The following DPH3 variants were observed in gnomAD, a reference collection of about 807,000 sequenced individuals.
The protein encoded by DPH3 is diphthamide biosynthesis protein 3.
A neutral mutation model predicts 10.2 loss-of-function variants in DPH3; 8 were observed. The ratio of observed to expected loss-of-function variants is 0.79; its 90% CI spans 0.46 to 1.42. The LOEUF (loss-of-function observed/expected upper bound fraction) is 1.42, where lower values mean the gene tolerates loss of function less well. Ranked by LOEUF, DPH3 falls within the 40% of genes most tolerant of loss-of-function variation. The probability of loss-of-function intolerance (pLI) is 0.00; values close to 1 mark genes in which losing one functional copy is unlikely to be tolerated. For synonymous variants in DPH3, 35 were observed against 35.6 expected, an observed-to-expected ratio of 0.98 and a Z score of 0.06; for missense variants, 96 against 98.9, an observed-to-expected ratio of 0.97 and a Z score of 0.12.
rs2064265761 is a variant in DPH3, at chr3:16,258,111, T to C, written c.*2653A>G. 1.3e-5 allele frequency: 2 copies of C among 152,258 alleles called. No individual in the cohort carries two copies. The highest frequency in any genetic ancestry group is 2.4e-5 in the African/African-American group (1 of 41,460). The allele number at this position is 152,258 out of a possible 1,614,324, so 9.4% of individuals were successfully genotyped here. A position where few individuals can be genotyped will look rare whatever the true frequency, so the allele number is the denominator to read the frequency against. ...TTCTGAATGTGCACACTAGAATATA[T>C]GCAGAATCCTTTAAACAGTCGACTT... On this transcript the variant is annotated 3_prime_UTR_variant, in exon 3 of 3. Transcript: ENST00000488423.
intron 1 of DPH3, 33 bp from the exon 2 acceptor site, chr3:16,264,262 T>A (rs746033983): frequency 6.4e-7 from 1 of 1,555,000 alleles, no homozygotes; most frequent in Non-Finnish European, 8.8e-7. Flanking sequence ...GTGGTCAGGA[T>A]AGCTTCTCTT....
chr3:16,262,422 A>T lies in DPH3; in HGVS notation c.184-1593T>A, dbSNP rs575081118. Among the ~76,000 whole-genome samples, 1 of 151,520 alleles carries T rather than the reference A, an allele frequency of 6.6e-6. No homozygotes were observed. The highest frequency in any genetic ancestry group is 1.9e-4 in the East Asian group (1 of 5,160). On this transcript the variant is annotated intron_variant, in intron 2 of 2. Coordinates refer to ENST00000488423, the MANE Select transcript of DPH3 (RefSeq NM_206831.3). This position sits in a 1 kb window ranked among gnomAD's most constrained non-coding sequence, Gnocchi z 4.7. The stretch of plus-strand genomic sequence containing the variant: ...CGTGACAAGGATCACCACTTCCTCA[A>T]TCCTTTCTCATCTGGTTTCCAGGAT...
At chr3:16,264,702 T>G in intron 1 of DPH3, 67 bp downstream of exon 1, 1 of 1,484,074 alleles carries the variant, frequency 6.7e-7, no homozygotes, top group South Asian at 1.2e-5. Flanking sequence ...TACCCAATGA[T>G]GGAAGGAACG....
rs1238909527 is a variant in DPH3 at position 16,257,875 on chromosome 3, A to G, written c.*2889T>C. Reference sequence around the variant, plus strand: ...AACTACTGTCCATAACAAAAAGTCTATTAACAATACCCCAAAGCAGTTAAG... The same window carrying G: ...AACTACTGTCCATAACAAAAAGTCTGTTAACAATACCCCAAAGCAGTTAAG... On this transcript the variant is annotated 3_prime_UTR_variant, in exon 3 of 3. Coordinates refer to ENST00000488423, the MANE Select transcript of DPH3 (RefSeq NM_206831.3). 1.3e-5 allele frequency: 2 copies of G among 152,242 alleles called. No individual in the cohort carries two copies. Among genetic ancestry groups the G allele is most frequent in the East Asian group, 3.8e-4 (2 of 5,206 alleles). The allele number at this position is 152,242 out of a possible 1,614,324, so 9.4% of individuals were successfully genotyped here.
chr3:16,264,791 C>A lies in DPH3; in HGVS notation c.86G>T (p.Gly29Val). Residue 29 changes from glycine (G) to valine (V), a missense_variant, in exon 1 of 3, where the codon GGA (glycine) becomes GTA (valine). By Grantham distance (109) the Gly-to-Val change is moderately radical. Coordinates refer to ENST00000488423, the MANE Select transcript of DPH3 (RefSeq NM_206831.3). The part of the protein sequence containing the change: ...SETYFYPCPC[G>V]DNFSITKEDL... The stretch of plus-strand genomic sequence containing the variant: ...TACCTTGGTGATGGAGAAGTTATCT[C>A]CACATGGGCAGGGATAGAAATACGT... 1 of 1,614,224 alleles carries A rather than the reference C, an allele frequency of 6.2e-7. No homozygotes were observed. Among genetic ancestry groups the A allele is most frequent in the Non-Finnish European group, 8.5e-7 (1 of 1,180,028 alleles).
Position 16,261,953 on chromosome 3 carries a change from T to C in DPH3, c.184-1124A>G, listed in dbSNP as rs1373721211. Among the ~76,000 whole-genome samples, 2 of 151,730 alleles carry C rather than the reference T, an allele frequency of 1.3e-5. No homozygotes were observed. The highest frequency in any genetic ancestry group is 4.9e-5 in the African/African-American group (2 of 41,182). ...CCAACCCCTCTGGACCTCCACCATA[T>C]TCATCCTACCACCCTTTCACTGCCC... On this transcript the variant is annotated intron_variant, in intron 2 of 2. Transcript: ENST00000488423. The surrounding 1 kb of genome is among the most constrained non-coding windows in gnomAD (Gnocchi z 7.1).
intron 2 of DPH3, 129 bp from the exon 3 acceptor site, chr3:16,260,958 A>G: frequency 3.9e-6 from 3 of 776,124 alleles, no homozygotes; most frequent in Non-Finnish European, 6.0e-6. Context: ...TTATCATTTC[A>G]TCCTTGTTCA....
Position 16,261,124 on chromosome 3 carries a change from T to G in DPH3, c.184-295A>C, listed in dbSNP as rs538394508. On this transcript the variant is annotated intron_variant, in intron 2 of 2. Coordinates refer to ENST00000488423, the MANE Select transcript of DPH3 (RefSeq NM_206831.3). The surrounding 1 kb of genome is among the most constrained non-coding windows in gnomAD (Gnocchi z 7.1). The stretch of plus-strand genomic sequence containing the variant: ...AAATCACATAAAGACATGCCACATA[T>G]TTTAAATTTCTGTATTAATTACTAC... Among the ~76,000 whole-genome samples, 6 of 152,340 alleles carry G rather than the reference T, an allele frequency of 3.9e-5. No homozygotes were observed. The highest frequency in any genetic ancestry group is 1.4e-4 in the African/African-American group (6 of 41,568).
chr3:16,260,078 A>G lies in DPH3; in HGVS notation c.*686T>C, dbSNP rs2064282922. ...CAAGGAATATGCAGAATATAAGAAA[A>G]GTCCTCATTCTTTCATCACTTCATT... On this transcript the variant is annotated 3_prime_UTR_variant, in exon 3 of 3. Transcript: ENST00000488423. 6.6e-6 allele frequency: 1 copy of G among 152,242 alleles called. No individual in the cohort carries two copies. The highest frequency in any genetic ancestry group is 1.5e-5 in the Non-Finnish European group (1 of 68,048). The allele number at this position is 152,242 out of a possible 1,614,324, so 9.4% of individuals were successfully genotyped here. A position where few individuals can be genotyped will look rare whatever the true frequency, so the allele number is the denominator to read the frequency against.
Position 16,257,334 on chromosome 3 carries a change from G to C in DPH3, c.*3430C>G, listed in dbSNP as rs961951192. On this transcript the variant is annotated 3_prime_UTR_variant, in exon 3 of 3. Transcript: ENST00000488423. Reference sequence around the variant, plus strand: ...CTCCCTTAAAAAGTCACCTGACCCAGTTACTCTCTCCCACATCACCTGGTT... The same window carrying C: ...CTCCCTTAAAAAGTCACCTGACCCACTTACTCTCTCCCACATCACCTGGTT... Among the ~76,000 whole-genome samples the C allele has an allele frequency of 9.9e-5, 15 of 152,182 alleles. No homozygotes were observed. The highest frequency in any genetic ancestry group is 3.4e-4 in the African/African-American group (14 of 41,448).
At position 16,262,488 on chromosome 3, in the gene DPH3, T is replaced by C. The variant is rs1382756932; in HGVS notation, c.184-1659A>G. Among the ~76,000 whole-genome samples the C allele has an allele frequency of 2.0e-5, 3 of 152,232 alleles. No individual in the cohort carries two copies. Among genetic ancestry groups the C allele is most frequent in the Non-Finnish European group, 4.4e-5 (3 of 68,036 alleles). On this transcript the variant is annotated intron_variant, in intron 2 of 2. Coordinates refer to ENST00000488423, the MANE Select transcript of DPH3 (RefSeq NM_206831.3). The surrounding 1 kb of genome is among the most constrained non-coding windows in gnomAD (Gnocchi z 4.7). ...TTCCTCCTTTCTCAGTGGTTTCTCC[T>C]TTACCATCAGCTTTGGTGATTCCTC...
Position 16,258,394 on chromosome 3 carries a change from G to A in DPH3, c.*2370C>T, listed in dbSNP as rs577556109. The A allele has an allele frequency of 6.6e-6, 1 of 152,226 alleles. No individual in the cohort carries two copies. Among genetic ancestry groups the A allele is most frequent in the Non-Finnish European group, 1.5e-5 (1 of 68,038 alleles). The allele number at this position is 152,226 out of a possible 1,614,324, so 9.4% of individuals were successfully genotyped here. A position where few individuals can be genotyped will look rare whatever the true frequency, so the allele number is the denominator to read the frequency against. On this transcript the variant is annotated 3_prime_UTR_variant, in exon 3 of 3. Coordinates refer to ENST00000488423, the MANE Select transcript of DPH3 (RefSeq NM_206831.3). ...GAGACATAGCCTGGATTACAAGTCA[G>A]TTTTTATAGGTGCTCCAGGAATGTC...
At position 16,260,565 on chromosome 3, in the gene DPH3, G is replaced by C. The variant is rs2064285648; in HGVS notation, c.*199C>G. On this transcript the variant is annotated 3_prime_UTR_variant, in exon 3 of 3. Coordinates refer to ENST00000488423, the MANE Select transcript of DPH3 (RefSeq NM_206831.3). Reference sequence around the variant, plus strand: ...TAATTAAGAATGCTTCCAATTTAAGGTTCTAAGCACAAAATCCAGATATGT... The same window carrying C: ...TAATTAAGAATGCTTCCAATTTAAGCTTCTAAGCACAAAATCCAGATATGT... 1 of 487,776 alleles carries C rather than the reference G, an allele frequency of 2.1e-6. No individual in the cohort carries two copies. The highest frequency in any genetic ancestry group is 3.8e-6 in the Non-Finnish European group (1 of 265,802). 30.2% of individuals were successfully genotyped at this position (487,776 alleles called of 1,614,324 possible). A position where few individuals can be genotyped will look rare whatever the true frequency, so the allele number is the denominator to read the frequency against.
In DPH3 at chr3:16,261,716, TA is replaced by T. The variant is rs2064293619; in HGVS notation, c.184-888del. ...TGAGGTTGAGATGAAGTCATATTCT[TA>T]AGGACAGTTTCCCCTACAAGCCCAT... On this transcript the variant is annotated intron_variant, in intron 2 of 2. Transcript: ENST00000488423. The surrounding 1 kb of genome is among the most constrained non-coding windows in gnomAD (Gnocchi z 7.1). Among the ~76,000 whole-genome samples, 1 of 152,170 alleles carries T rather than the reference TA, an allele frequency of 6.6e-6. No homozygotes were observed. The highest frequency in any genetic ancestry group is 1.5e-5 in the Non-Finnish European group (1 of 68,018).
rs1321008375 is a variant in DPH3 at position 16,263,466 on chromosome 3, T to C, written c.183+689A>G. On this transcript the variant is annotated intron_variant, in intron 2 of 2. Coordinates refer to ENST00000488423, the MANE Select transcript of DPH3 (RefSeq NM_206831.3). This position sits in a 1 kb window ranked among gnomAD's most constrained non-coding sequence, Gnocchi z 4.0. Reference sequence around the variant, plus strand: ...TGCAGAGCACATTTTAATACAAGAATGAATCATTATATTTCTAAATTATAG... The same window carrying C: ...TGCAGAGCACATTTTAATACAAGAACGAATCATTATATTTCTAAATTATAG... 1.3e-5 allele frequency among the ~76,000 whole-genome samples: 2 copies of C among 152,228 alleles called. No individual in the cohort carries two copies. The highest frequency in any genetic ancestry group is 1.3e-4 in the Admixed American group (2 of 15,280).
rs1366910327 is a variant in DPH3 at position 16,259,088 on chromosome 3, C to G, written c.*1676G>C. Reference sequence around the variant, plus strand: ...TAACATGTTGGCAGTATCTAGAAAACCATCAACATGATCATGGGACAGTTC... The same window carrying G: ...TAACATGTTGGCAGTATCTAGAAAAGCATCAACATGATCATGGGACAGTTC... On this transcript the variant is annotated 3_prime_UTR_variant, in exon 3 of 3. Coordinates refer to ENST00000488423, the MANE Select transcript of DPH3 (RefSeq NM_206831.3). 1 of 152,214 alleles carries G rather than the reference C, an allele frequency of 6.6e-6. No homozygotes were observed. Among genetic ancestry groups the G allele is most frequent in the African/African-American group, 2.4e-5 (1 of 41,448 alleles). The allele number at this position is 152,214 out of a possible 1,614,324, so 9.4% of individuals were successfully genotyped here. A position where few individuals can be genotyped will look rare whatever the true frequency, so the allele number is the denominator to read the frequency against.
At position 16,264,887 on chromosome 3, in the gene DPH3, G is replaced by T. The variant is rs1447807262; in HGVS notation, c.-11C>A. The T allele has an allele frequency of 1.2e-6, 2 of 1,613,902 alleles. No homozygotes were observed. The highest frequency in any genetic ancestry group is 1.7e-6 in the Non-Finnish European group (2 of 1,179,904). Reference sequence around the variant, plus strand: ...ATGAAACACTGCCATGGTCAGCGGGGGTGGCCGAAGGGGTAACGCCCCAGC... The same window carrying T: ...ATGAAACACTGCCATGGTCAGCGGGTGTGGCCGAAGGGGTAACGCCCCAGC... On this transcript the variant is annotated 5_prime_UTR_variant, in exon 1 of 3. Coordinates refer to ENST00000488423, the MANE Select transcript of DPH3 (RefSeq NM_206831.3).
chr3:16,260,713 T>G lies in DPH3; in HGVS notation c.*51A>C. On this transcript the variant is annotated 3_prime_UTR_variant, in exon 3 of 3. Transcript: ENST00000488423. ...AGCCAGTAGCTTTGCATTCGATATT[T>G]CTATCTGGGCTCATTCCAAATGTTC... The G allele has an allele frequency of 6.5e-7, 1 of 1,528,024 alleles. No homozygotes were observed. The highest frequency in any genetic ancestry group is 9.0e-7 in the Non-Finnish European group (1 of 1,105,818). 94.7% of individuals were successfully genotyped at this position (1,528,024 alleles called of 1,614,324 possible).
At position 16,257,138 on chromosome 3, in the gene DPH3, G is replaced by T. The variant is rs532852481; in HGVS notation, c.*3626C>A. On this transcript the variant is annotated 3_prime_UTR_variant, in exon 3 of 3. Coordinates refer to ENST00000488423, the MANE Select transcript of DPH3 (RefSeq NM_206831.3). The stretch of plus-strand genomic sequence containing the variant: ...GTTACAGCAGCAGAACATGGACTAG[G>T]AGAAAGCGCAAAACAATGTTTAATT... 6.6e-6 allele frequency among the ~76,000 whole-genome samples: 1 copy of T among 152,320 alleles called. No individual in the cohort carries two copies. Among genetic ancestry groups the T allele is most frequent in the South Asian group, 2.1e-4 (1 of 4,826 alleles).
Sources: gnomAD v4.1 joint callset for allele counts (sites outside exome capture counted in the v4.1 genomes callset) on GRCh38, gnomAD v4.1.1 for gene constraint, Gnocchi (gnomAD v3.1) non-coding constraint, MANE v1.5 for transcripts, NCBI Gene and HGNC (gene_info 2026-07-23, HGNC 2026-07-21) for gene names.